The following CCNY variants were observed in gnomAD, a reference collection of about 807,000 sequenced individuals.
CCNY encodes cyclin-Y.
CCNY carries 19 observed loss-of-function variants against 42.8 expected under a neutral mutation model. The ratio of observed to expected loss-of-function variants is 0.44; its 90% CI spans 0.31 to 0.65. The LOEUF is 0.65. CCNY is among the 30% of genes least tolerant of loss of function. CCNY has a pLI of 0.07. For missense variants in CCNY, 370 were observed against 437.3 expected (o/e 0.85, Z 1.37); for synonymous variants, 165 against 162.7 (o/e 1.01, Z -0.11).
chr10:35,296,160 C>T (rs998320634), intron 3 of CCNY, among the ~76,000 whole-genome samples: 1 of 152,030 alleles, frequency 6.6e-6, no homozygotes, highest in Non-Finnish European at 1.5e-5. Flanking sequence ...AGCAGAAGAC[C>T]AGAAATAACC....
chr10:35,455,825 TAAA>T (rs766510525), intron 1 of CCNY, among the ~76,000 whole-genome samples: 68 of 99,764 alleles, frequency 6.8e-4, no homozygotes, highest in South Asian at 2.1e-3. Flanking sequence ...TTTTTTTTTT[TAAA>T]AAAAGAAAAA....
chr10:35,495,433 C>T (rs1224803311), intron 2 of CCNY, among the ~76,000 whole-genome samples: 6 of 152,214 alleles, frequency 3.9e-5, no homozygotes, highest in Non-Finnish European at 8.8e-5. Context: ...GAATAGTTTT[C>T]TCCTTATGTT....
At chr10:35,374,774 T>C (rs543707056) in intron 1 of CCNY, among the ~76,000 whole-genome samples, 9 of 152,306 alleles carry the variant, frequency 5.9e-5, no homozygotes, top group African/African-American at 1.7e-4. Context: ...TAGCTACATA[T>C]GTTAAAGATA....
intron 1 of CCNY, among the ~76,000 whole-genome samples, chr10:35,365,863 TTAGAC>T (rs1365244947): frequency 6.6e-6 from 1 of 152,220 alleles, no homozygotes; most frequent in Non-Finnish European, 1.5e-5. Context: ...TAAAAAATGA[TTAGAC>T]TAACTCTACA....
intron 3 of CCNY, among the ~76,000 whole-genome samples, chr10:35,512,510 C>CT (rs1840344206): frequency 6.6e-6 from 1 of 152,170 alleles, no homozygotes; most frequent in Admixed American, 6.5e-5. Context: ...AAGAAAAAAG[C>CT]TTCAGTTCAA....
chr10:35,381,761 T>C (rs1031077339), intron 1 of CCNY, among the ~76,000 whole-genome samples: 6 of 152,292 alleles, frequency 3.9e-5, no homozygotes, highest in Admixed American at 6.5e-5. Flanking sequence ...ATTACGTATA[T>C]CTGTTTTTAA....
intron 8 of CCNY, among the ~76,000 whole-genome samples, chr10:35,562,110 C>T (rs1022222448): frequency 6.6e-6 from 1 of 152,210 alleles, no homozygotes; most frequent in Non-Finnish European, 1.5e-5. Context: ...AAAAAAATTA[C>T]ACCTCGAGGT....
intron 1 of CCNY, among the ~76,000 whole-genome samples, chr10:35,361,600 G>A (rs1836687912): frequency 6.6e-6 from 1 of 152,182 alleles, no homozygotes; most frequent in African/African-American, 2.4e-5. Flanking sequence ...GGAACTGAAT[G>A]TTATTTTTCA....
rs373076187 is a variant in CCNY at position 35,475,734 on chromosome 10, C to T, written c.155-7670C>T. 6.4e-4 allele frequency among the ~76,000 whole-genome samples: 94 copies of T among 146,890 alleles called. No homozygotes were observed. The East Asian group carries it at 0.012, about 19-fold the overall frequency. The stretch of plus-strand genomic sequence containing the variant: ...ACTAGGAAGAAACTGCATCAACTAA[C>T]GAGCAAAATAACCAGCTAACATCAT... On this transcript the variant is annotated intron_variant, in intron 1 of 9. Coordinates refer to ENST00000374704, the MANE Select transcript of CCNY (RefSeq NM_145012.6).
chr10:35,556,606 CT>C (rs1446531107), intron 8 of CCNY, among the ~76,000 whole-genome samples: 2 of 152,138 alleles, frequency 1.3e-5, no homozygotes, highest in South Asian at 2.1e-4. Context: ...CGTTTTCCCC[CT>C]GACAGAAGAT....
At chr10:35,304,079 G>A (rs376324461) in intron 3 of CCNY, among the ~76,000 whole-genome samples, 3 of 152,060 alleles carry the variant, frequency 2.0e-5, no homozygotes, top group Non-Finnish European at 2.9e-5. Context: ...TCCTGCACCC[G>A]TGAATGGGCT....
Position 35,530,042 on chromosome 10 carries a change from C to T in CCNY, c.459+12C>T, listed in dbSNP as rs543369120. ...TTCACCCTCTTTCGGTAATCTCCTC[C>T]GTGTGTTTCATGAGATGATTTAATT... On this transcript the variant is annotated intron_variant, in intron 6 of 9. Transcript: ENST00000374704. This position sits in a 1 kb window ranked among gnomAD's most constrained non-coding sequence, Gnocchi z 4.3. The T allele has an allele frequency of 5.3e-5, 85 of 1,613,962 alleles. No homozygotes were observed. Among genetic ancestry groups the T allele is most frequent in the African/African-American group, 4.0e-4 (30 of 75,018 alleles).
At chr10:35,311,346 G>T (rs1250746971) in intron 3 of CCNY, among the ~76,000 whole-genome samples, 2 of 151,310 alleles carry the variant, frequency 1.3e-5, no homozygotes, top group Admixed American at 6.6e-5. Context: ...AAAAATACAG[G>T]ATATAATTTT....
chr10:35,403,613 T>TG (rs1837693284), intron 1 of CCNY, among the ~76,000 whole-genome samples: 1 of 152,162 alleles, frequency 6.6e-6, no homozygotes, highest in Admixed American at 6.5e-5. Context: ...GGATTAATGA[T>TG]GGAGGACCCT....
chr10:35,356,924 A>G (rs562088945), intron 1 of CCNY, among the ~76,000 whole-genome samples: 25 of 152,142 alleles, frequency 1.6e-4, no homozygotes, highest in African/African-American at 6.0e-4. Context: ...GCTCAGAGTC[A>G]TTGGTGTCTG....
At chr10:35,394,612 C>G (rs979029183) in intron 1 of CCNY, among the ~76,000 whole-genome samples, 2 of 152,242 alleles carry the variant, frequency 1.3e-5, no homozygotes, top group African/African-American at 4.8e-5. Context: ...CACTTCATGG[C>G]TTTCACGCTG....
At chr10:35,396,400 G>T (rs1837526797) in intron 1 of CCNY, among the ~76,000 whole-genome samples, 1 of 152,184 alleles carries the variant, frequency 6.6e-6, no homozygotes, top group South Asian at 2.1e-4. Context: ...AGAGGCAGGT[G>T]CCGCAAGAAG....
chr10:35,482,086 G>A (rs1460635392), intron 1 of CCNY, among the ~76,000 whole-genome samples: 7 of 152,160 alleles, frequency 4.6e-5, no homozygotes, highest in Non-Finnish European at 7.3e-5. Flanking sequence ...TTAGGAACTG[G>A]CCCAGTAGCC....
chr10:35,421,315 G>T (rs1838153867), intron 1 of CCNY, among the ~76,000 whole-genome samples: 1 of 152,270 alleles, frequency 6.6e-6, no homozygotes, highest in East Asian at 1.9e-4. Context: ...GCTGCAGGAA[G>T]TTCAGAGGCA....
Sources: gnomAD v4.1 joint callset for allele counts (sites outside exome capture counted in the v4.1 genomes callset) on GRCh38, gnomAD v4.1.1 for gene constraint, Gnocchi (gnomAD v3.1) non-coding constraint, MANE v1.5 for transcripts, NCBI Gene and HGNC (gene_info 2026-07-23, HGNC 2026-07-21) for gene names.